HPGD: variants seen among roughly 807,000 people sequenced by gnomAD.
HPGD encodes 15-hydroxyprostaglandin dehydrogenase, also known as 15-hydroxyprostaglandin dehydrogenase [NAD(+)].
A neutral mutation model predicts 30.0 loss-of-function variants in HPGD; 29 were observed. That is an observed-to-expected ratio of 0.97 (90% confidence interval 0.72 to 1.32). The LOEUF is 1.32. Ranked by LOEUF, HPGD falls within the 40% of genes most tolerant of loss-of-function variation. The pLI, the probability that HPGD is intolerant of heterozygous loss-of-function variation, is 0.00. For synonymous variants in HPGD, 99 were observed against 112.4 expected, an observed-to-expected ratio of 0.88 and a Z score of 0.75; for missense variants, 340 against 322.1, an observed-to-expected ratio of 1.06 and a Z score of -0.43.
intron 4 of HPGD, among the ~76,000 whole-genome samples, chr4:174,499,501 C>G (rs1579277960): frequency 6.6e-6 from 1 of 152,278 alleles, no homozygotes; most frequent in East Asian, 1.9e-4. Flanking sequence ...CCTTGTTTCT[C>G]TTTTCAATGG....
At chr4:174,495,926 T>C (rs1409153180) in intron 4 of HPGD, 1 of 348,100 alleles carries the variant, frequency 2.9e-6, no homozygotes, top group African/African-American at 2.1e-5. Context: ...AAATGGTATC[T>C]AAAACACAAA....
At chr4:174,493,469 TAAC>T in intron 5 of HPGD, 155 bp from the exon 6 acceptor site, 1 of 672,544 alleles carries the variant, frequency 1.5e-6, no homozygotes, top group Non-Finnish European at 2.6e-6. Flanking sequence ...GATAGTAAAA[TAAC>T]ACATACATAA....
intron 4 of HPGD, among the ~76,000 whole-genome samples, chr4:174,504,143 T>C (rs1735054699): frequency 6.6e-6 from 1 of 152,186 alleles, no homozygotes; most frequent in African/African-American, 2.4e-5. Context: ...ATATCTCCAT[T>C]TCCCTTCTGC....
chr4:174,510,551 A>T (rs1394725620), intron 3 of HPGD, among the ~76,000 whole-genome samples: 1 of 152,212 alleles, frequency 6.6e-6, no homozygotes, highest in East Asian at 1.9e-4. Context: ...GCCAGATAGA[A>T]AATTTGAGAT....
Position 174,501,242 on chromosome 4 carries a change from C to T in HPGD, c.422-5618G>A, listed in dbSNP as rs543142316. 1.2e-4 allele frequency among the ~76,000 whole-genome samples: 18 copies of T among 152,146 alleles called. No individual in the cohort carries two copies. The South Asian group carries it at 3.7e-3, about 32-fold the overall frequency. ...ATGACTATAGGACCAGTTACTATAA[C>T]TAATATGGGTTTTTTTTAATCTTGC... On this transcript the variant is annotated intron_variant, in intron 4 of 6. Transcript: ENST00000296522.
intron 2 of HPGD, among the ~76,000 whole-genome samples, chr4:174,519,218 AT>A (rs111659072): frequency 8.7e-4 from 127 of 146,138 alleles, no homozygotes; most frequent in Non-Finnish European, 1.1e-3. Context: ...TTTTTCATGG[AT>A]TTTTTTTTTT....
At chr4:174,503,547 C>T (rs971864335) in intron 4 of HPGD, among the ~76,000 whole-genome samples, 15 of 152,128 alleles carry the variant, frequency 9.9e-5, no homozygotes, top group African/African-American at 2.7e-4. Flanking sequence ...TTCCTTATCA[C>T]GAGAGCAGTA....
At position 174,494,536 on chromosome 4, in the gene HPGD, A is replaced by G. The variant is rs556256404; in HGVS notation, c.498+1012T>C. Among the ~76,000 whole-genome samples the G allele has an allele frequency of 1.3e-5, 2 of 152,300 alleles. No homozygotes were observed. Among genetic ancestry groups the G allele is most frequent in the African/African-American group, 4.8e-5 (2 of 41,576 alleles). Reference sequence around the variant, plus strand: ...GTGTTTATAAGAAGTCTGTCTGAAGATTATGTCTTTGCAAATTAAGCAATA... The same window carrying G: ...GTGTTTATAAGAAGTCTGTCTGAAGGTTATGTCTTTGCAAATTAAGCAATA... On this transcript the variant is annotated intron_variant, in intron 5 of 6. Transcript: ENST00000296522. The surrounding 1 kb of genome is among the most constrained non-coding windows in gnomAD (Gnocchi z 4.9).
chr4:174,501,850 A>C (rs17360144), intron 4 of HPGD, among the ~76,000 whole-genome samples: 9,027 of 152,232 alleles, frequency 0.059, 456 homozygotes, highest in Admixed American at 0.13. Flanking sequence ...TTCTACCCAT[A>C]TTTACAAAAG....
In HPGD at chr4:174,496,930, T is replaced by A. The variant is rs1734624107; in HGVS notation, c.422-1306A>T. On this transcript the variant is annotated intron_variant, in intron 4 of 6. Coordinates refer to ENST00000296522, the MANE Select transcript of HPGD (RefSeq NM_000860.6). The surrounding 1 kb of genome is among the most constrained non-coding windows in gnomAD (Gnocchi z 4.6). ...CAAAGTATTGTTAATATGTTGCTTC[T>A]CTTGTTGTCATTGTTGTTGTTAAGT... Among the ~76,000 whole-genome samples, 1 of 152,240 alleles carries A rather than the reference T, an allele frequency of 6.6e-6. No individual in the cohort carries two copies. Among genetic ancestry groups the A allele is most frequent in the South Asian group, 2.1e-4 (1 of 4,838 alleles).
chr4:174,503,516 C>T (rs1018846782), intron 4 of HPGD, among the ~76,000 whole-genome samples: 1 of 152,104 alleles, frequency 6.6e-6, no homozygotes, highest in African/African-American at 2.4e-5. Flanking sequence ...TTGGCAATTG[C>T]TCAATATGTG....
intron 3 of HPGD, 71 bp from the exon 4 acceptor site, chr4:174,508,863 T>C: frequency 2.4e-6 from 2 of 832,744 alleles, no homozygotes; most frequent in Non-Finnish European, 4.2e-6. Flanking sequence ...ACACCAAAGT[T>C]TTTATAGCTA....
rs992088740 is a variant in HPGD, at chr4:174,491,591, T to C, written c.*365A>G. 5.0e-6 allele frequency: 1 copy of C among 199,814 alleles called. No individual in the cohort carries two copies. The highest frequency in any genetic ancestry group is 2.3e-5 in the African/African-American group (1 of 42,598). The allele number at this position is 199,814 out of a possible 1,614,324, so 12.4% of individuals were successfully genotyped here. A position where few individuals can be genotyped will look rare whatever the true frequency, so the allele number is the denominator to read the frequency against. ...TGTGAGTGTTTTACATCTGGTTTGA[T>C]TTAAATAACAATTCAAGTATCTCCT... On this transcript the variant is annotated 3_prime_UTR_variant, in exon 7 of 7. Transcript: ENST00000296522.
intron 4 of HPGD, among the ~76,000 whole-genome samples, chr4:174,498,662 A>T (rs1305031596): frequency 6.6e-6 from 1 of 151,950 alleles, no homozygotes. Flanking sequence ...TGTAATGTGT[A>T]AGGAACATTC....
intron 5 of HPGD, 175 bp from the exon 6 acceptor site, chr4:174,493,489 G>A (rs1175388367): frequency 5.0e-6 from 3 of 594,464 alleles, no homozygotes; most frequent in Non-Finnish European, 8.8e-6. Flanking sequence ...ATAAAGTATT[G>A]TATTAATTCC....
chr4:174,498,646 C>G (rs1046301177), intron 4 of HPGD, among the ~76,000 whole-genome samples: 1 of 152,042 alleles, frequency 6.6e-6, no homozygotes, highest in Middle Eastern at 3.2e-3. Flanking sequence ...TGAGATTCAT[C>G]CATGTTGTAA....
intron 3 of HPGD, among the ~76,000 whole-genome samples, chr4:174,517,129 C>T (rs1353639766): frequency 2.0e-5 from 3 of 152,136 alleles, no homozygotes; most frequent in African/African-American, 7.2e-5. Context: ...TTTTAGTTAA[C>T]GTTTGATTTT....
intron 4 of HPGD, chr4:174,507,092 A>C (rs1310349708): frequency 6.6e-6 from 1 of 152,216 alleles, no homozygotes; most frequent in Non-Finnish European, 1.5e-5. Flanking sequence ...AAAATAGTAT[A>C]GATTTAGCTT....
chr4:174,492,500 G>T lies in HPGD; in HGVS notation c.663-406C>A, dbSNP rs187610986. On this transcript the variant is annotated intron_variant, in intron 6 of 6. Coordinates refer to ENST00000296522, the MANE Select transcript of HPGD (RefSeq NM_000860.6). This position sits in a 1 kb window ranked among gnomAD's most constrained non-coding sequence, Gnocchi z 4.9. ...TGATTGGTAACAGCTAGCATTTACTGAAAATTTTATTTTTTACCAGTTACC... is the reference window on the plus strand; with the variant it reads ...TGATTGGTAACAGCTAGCATTTACTTAAAATTTTATTTTTTACCAGTTACC... 1.5e-4 allele frequency among the ~76,000 whole-genome samples: 23 copies of T among 152,070 alleles called. No homozygotes were observed. In the East Asian group the frequency reaches 4.4e-3, roughly 29 times the overall value.
Sources: allele counts gnomAD v4.1 joint callset (sites outside exome capture counted in the v4.1 genomes callset), GRCh38; gene constraint gnomAD v4.1.1; non-coding constraint Gnocchi (gnomAD v3.1); transcripts MANE v1.5; gene names NCBI Gene and HGNC (gene_info 2026-07-23, HGNC 2026-07-21).